FAM193A: variants seen among roughly 807,000 people sequenced by gnomAD.
FAM193A encodes protein FAM193A.
A neutral mutation model predicts 126.5 loss-of-function variants in FAM193A; 22 were observed. The ratio of observed to expected loss-of-function variants is 0.17; its 90% CI spans 0.12 to 0.25. The LOEUF is 0.25. FAM193A is among the 10% of genes least tolerant of loss of function. The pLI, the probability that FAM193A is intolerant of heterozygous loss-of-function variation, is 1.00. For missense variants in FAM193A, 1,675 were observed against 1,672.8 expected (o/e 1.00, Z -0.02); for synonymous variants, 761 against 646.8 (o/e 1.18, Z -2.68).
chr4:2,653,167 C>T (rs1032956684), intron 7 of FAM193A, among the ~76,000 whole-genome samples: 10 of 152,204 alleles, frequency 6.6e-5, no homozygotes, highest in African/African-American at 2.2e-4. Context: ...TAGGGAAATT[C>T]TTTTACTAAG....
rs1433556138 is a variant in FAM193A, at chr4:2,693,653, C to T, written c.2871C>T (p.Ser957=). 1 of 1,614,044 alleles carries T rather than the reference C, an allele frequency of 6.2e-7. No individual in the cohort carries two copies. Among genetic ancestry groups the T allele is most frequent in the East Asian group, 2.2e-5 (1 of 44,892 alleles). Residue 957 remains serine (S), a synonymous_variant, in exon 16 of 21, where the codon AGC becomes AGT. Coordinates refer to ENST00000637812, the MANE Select transcript of FAM193A (RefSeq NM_001366318.2). ...CGGCCCCAGCCGCCCCGAGGAATAG[C>T]CCCACGGGCTTGGCCCCCCTCCCAG... ...RHSAPAAPRN[S]PTGLAPLPAL...
chr4:2,623,779 CTT>C (rs1318531136), intron 2 of FAM193A, among the ~76,000 whole-genome samples: 1 of 152,186 alleles, frequency 6.6e-6, no homozygotes, highest in East Asian at 1.9e-4. Context: ...GGAGAGCACA[CTT>C]TTCCTTGTGG....
At chr4:2,665,601 T>C (rs1012025789) in intron 12 of FAM193A, among the ~76,000 whole-genome samples, 1 of 152,102 alleles carries the variant, frequency 6.6e-6, no homozygotes, top group Admixed American at 6.5e-5. Context: ...CTCAAACAGC[T>C]GGGCTCAAGC....
intron 2 of FAM193A, among the ~76,000 whole-genome samples, chr4:2,622,436 TG>T (rs1161144958): frequency 2.6e-5 from 4 of 151,792 alleles, no homozygotes; most frequent in Admixed American, 2.0e-4. Flanking sequence ...AGCGGAGACT[TG>T]GGGGTCTTTG....
intron 5 of FAM193A, among the ~76,000 whole-genome samples, chr4:2,634,540 A>C (rs892921643): frequency 1.3e-5 from 2 of 152,242 alleles, no homozygotes; most frequent in Admixed American, 1.3e-4. Context: ...AACTTTGTTA[A>C]CTGTGCTTAA....
intron 6 of FAM193A, among the ~76,000 whole-genome samples, chr4:2,641,235 C>T (rs1744591077): frequency 6.6e-6 from 1 of 151,096 alleles, no homozygotes; most frequent in African/African-American, 2.4e-5. Flanking sequence ...TTAGTAGAGA[C>T]GGGGTTTCAC....
intron 6 of FAM193A, among the ~76,000 whole-genome samples, chr4:2,640,843 T>C (rs1004629570): frequency 4.6e-5 from 7 of 151,846 alleles, no homozygotes; most frequent in African/African-American, 1.7e-4. Flanking sequence ...CACATACCTG[T>C]GATCCTGGCT....
chr4:2,558,509 G>C (rs1738409716), intron 1 of FAM193A, among the ~76,000 whole-genome samples: 1 of 152,236 alleles, frequency 6.6e-6, no homozygotes, highest in Admixed American at 6.5e-5. Flanking sequence ...AGGCTTTCAA[G>C]TACCTGGGAC....
At chr4:2,630,261 T>C (rs1743427166) in intron 4 of FAM193A, among the ~76,000 whole-genome samples, 1 of 152,128 alleles carries the variant, frequency 6.6e-6, no homozygotes, top group South Asian at 2.1e-4. Flanking sequence ...ATGTATTTTT[T>C]TTTTCCTACT....
intron 19 of FAM193A, among the ~76,000 whole-genome samples, chr4:2,705,022 C>T (rs1718153640): frequency 6.6e-6 from 1 of 152,204 alleles, no homozygotes; most frequent in Non-Finnish European, 1.5e-5. Flanking sequence ...CGCCATTCTC[C>T]TGCTTCAACC....
At chr4:2,543,358 A>C (rs1045383378) in intron 1 of FAM193A, among the ~76,000 whole-genome samples, 1 of 151,784 alleles carries the variant, frequency 6.6e-6, no homozygotes, top group African/African-American at 2.4e-5. Flanking sequence ...AAGTGCTAGG[A>C]TTACGGTGTG....
intron 10 of FAM193A, among the ~76,000 whole-genome samples, chr4:2,661,255 G>C (rs1039716555): frequency 1.3e-5 from 2 of 152,162 alleles, no homozygotes; most frequent in Admixed American, 6.5e-5. Context: ...TGTAAACTAT[G>C]ATTTGAAAAT....
chr4:2,694,896 T>C (rs1049490463), intron 16 of FAM193A, 50 bp from the exon 17 acceptor site: 3 of 1,497,316 alleles, frequency 2.0e-6, no homozygotes, highest in East Asian at 2.5e-5. Flanking sequence ...ATGTGAGTCA[T>C]TGCCTCCCGG....
Position 2,731,910 on chromosome 4 carries a change from G to A in FAM193A, c.*42G>A. The A allele has an allele frequency of 6.9e-7, 1 of 1,458,176 alleles. No individual in the cohort carries two copies. The highest frequency in any genetic ancestry group is 9.6e-7 in the Non-Finnish European group (1 of 1,039,508). 90.3% of individuals were successfully genotyped at this position (1,458,176 alleles called of 1,614,324 possible). A position where few individuals can be genotyped will look rare whatever the true frequency, so the allele number is the denominator to read the frequency against. ...GAGGGACACGCGAGAGGCAGGCCAGGCTGCACCACCCCAAGAGCCACGCCC... is the reference window on the plus strand; with the variant it reads ...GAGGGACACGCGAGAGGCAGGCCAGACTGCACCACCCCAAGAGCCACGCCC... On this transcript the variant is annotated 3_prime_UTR_variant, in exon 21 of 21. Transcript: ENST00000637812.
At chr4:2,694,161 T>C (rs1716764940) in intron 16 of FAM193A, among the ~76,000 whole-genome samples, 1 of 152,222 alleles carries the variant, frequency 6.6e-6, no homozygotes. Context: ...TTTTACTCAT[T>C]GTATAAGTTG....
In FAM193A at chr4:2,706,291, C is replaced by CTTTTTTTTTTTTTT. The variant is rs59143784; in HGVS notation, c.4372+5756_4372+5769dup. On this transcript the variant is annotated intron_variant, in intron 19 of 20. Coordinates refer to ENST00000637812, the MANE Select transcript of FAM193A (RefSeq NM_001366318.2). The stretch of plus-strand genomic sequence containing the variant: ...TGTCCTACAATAAATTTCTTTCTTT[C>CTTTTTTTTTTTTTT]TTTTTTTTTTTTTTTTTTTTTTGAG... 8.3e-5 allele frequency among the ~76,000 whole-genome samples: 9 copies of CTTTTTTTTTTTTTT among 108,586 alleles called. 1 individual carries two copies. The highest frequency in any genetic ancestry group is 3.2e-4 in the African/African-American group (9 of 27,952). The allele number at this position is 108,586 out of a possible 152,430, so 71.2% of individuals were successfully genotyped here.
chr4:2,676,323 A>G (rs1204771706), intron 13 of FAM193A, among the ~76,000 whole-genome samples: 1 of 152,188 alleles, frequency 6.6e-6, no homozygotes, highest in Non-Finnish European at 1.5e-5. Flanking sequence ...AACCATCCTC[A>G]AGGATGTAAG....
intron 2 of FAM193A, among the ~76,000 whole-genome samples, chr4:2,598,983 G>T (rs1294410991): frequency 6.6e-6 from 1 of 152,194 alleles, no homozygotes; most frequent in African/African-American, 2.4e-5. Flanking sequence ...CCTTGTATCT[G>T]CAGGGGTCTG....
chr4:2,705,511 C>G (rs1473843680), intron 19 of FAM193A, among the ~76,000 whole-genome samples: 2 of 151,562 alleles, frequency 1.3e-5, no homozygotes, highest in African/African-American at 4.8e-5. Flanking sequence ...TTTTTCTTCT[C>G]TGTGGTGTGA....
Sources: allele counts gnomAD v4.1 joint callset (sites outside exome capture counted in the v4.1 genomes callset), GRCh38; gene constraint gnomAD v4.1.1; transcripts MANE v1.5; gene names NCBI Gene and HGNC (gene_info 2026-07-23, HGNC 2026-07-21).